The following TMPRSS4 variants were observed in gnomAD, a reference collection of about 807,000 sequenced individuals.
The protein encoded by TMPRSS4 is transmembrane protease serine 4.
In TMPRSS4, 45 loss-of-function variants were observed where a neutral mutation model predicts 56.4. That is an observed-to-expected ratio of 0.80 (90% CI 0.63 to 1.02). The LOEUF (loss-of-function observed/expected upper bound fraction) is 1.02, where lower values mean the gene tolerates loss of function less well. TMPRSS4 is among the 50% of genes least tolerant of loss of function. TMPRSS4 has a pLI of 0.00. For missense variants in TMPRSS4, 546 were observed against 556.7 expected (o/e 0.98, Z 0.19); for synonymous variants, 205 against 211.0 (o/e 0.97, Z 0.25).
At position 118,114,839 on chromosome 11, in the gene TMPRSS4, G is replaced by A. The variant is rs144693806; in HGVS notation, c.921G>A (p.Arg307=). 1.2e-6 allele frequency: 2 copies of A among 1,606,480 alleles called. No individual in the cohort carries two copies. The highest frequency in any genetic ancestry group is 2.7e-5 in the African/African-American group (2 of 74,858). ...QFPLTFSGTV[R]PICLPFFDEE... ...CTGTGCTCCTGGCAGGCACAGTCAG[G>A]CCCATCTGTCTGCCCTTCTTTGATG... is the stretch of plus-strand genomic sequence containing the variant. The change falls in exon 10 of 13, where the codon AGG becomes AGA. Residue 307 remains arginine (R), a synonymous_variant. Coordinates refer to ENST00000437212, the MANE Select transcript of TMPRSS4 (RefSeq NM_019894.4).
At chr11:118,104,100 GA>G (rs1565431040) in intron 4 of TMPRSS4, among the ~76,000 whole-genome samples, 2 of 151,992 alleles carry the variant, frequency 1.3e-5, no homozygotes, top group African/African-American at 4.8e-5. Context: ...GGGCTCTGAA[GA>G]AAAAAAGATA....
At chr11:118,093,471 C>A (rs1946094868) in intron 1 of TMPRSS4, among the ~76,000 whole-genome samples, 1 of 152,208 alleles carries the variant, frequency 6.6e-6, no homozygotes, top group East Asian at 1.9e-4. Context: ...TCCTTTTAAC[C>A]TTTGCCTGGC....
chr11:118,091,565 G>A (rs1349071404), intron 1 of TMPRSS4, among the ~76,000 whole-genome samples: 4 of 151,716 alleles, frequency 2.6e-5, no homozygotes, highest in South Asian at 2.1e-4. Context: ...ACAGACCCTC[G>A]GCTGTCTTCT....
chr11:118,113,425 C>T lies in TMPRSS4; in HGVS notation c.900C>T (p.Leu300=), dbSNP rs1362172705. Residue 300 remains leucine (L), a synonymous_variant, in exon 9 of 13, where the codon CTC becomes CTT. Coordinates refer to ENST00000437212, the MANE Select transcript of TMPRSS4 (RefSeq NM_019894.4). ...DIALMKLQFP[L]TFSGTVRPIC... ...CCCTCATGAAGCTGCAGTTCCCACT[C>T]ACTTTCTCAGGTGAGAAGCAGGGCC... The T allele has an allele frequency of 3.7e-6, 6 of 1,613,956 alleles. No individual in the cohort carries two copies. The East Asian group carries it at 6.7e-5, about 18-fold the overall frequency.
chr11:118,117,577 C>G (rs1947630128), intron 12 of TMPRSS4, 123 bp downstream of exon 12: 3 of 1,499,658 alleles, frequency 2.0e-6, no homozygotes, highest in Non-Finnish European at 1.8e-6. Context: ...ATAACTTTCC[C>G]TCCAAGCAAG....
intron 1 of TMPRSS4, among the ~76,000 whole-genome samples, chr11:118,083,114 G>A (rs887684003): frequency 2.0e-5 from 3 of 152,080 alleles, no homozygotes; most frequent in Admixed American, 1.3e-4. Flanking sequence ...GCCCTTATCT[G>A]ACCCTGGCCC....
chr11:118,121,205 A>G lies in TMPRSS4; in HGVS notation c.*3292A>G, dbSNP rs1947780786. On this transcript the variant is annotated 3_prime_UTR_variant, in exon 13 of 13. Coordinates refer to ENST00000437212, the MANE Select transcript of TMPRSS4 (RefSeq NM_019894.4). ...CAAAAACAGACTTTACCATCAACAA[A>G]CCTTCTCTAAAAGAATATATAAAGC... is the stretch of plus-strand genomic sequence containing the variant. The G allele has an allele frequency of 6.6e-6, 1 of 152,216 alleles. No homozygotes were observed. Among genetic ancestry groups the G allele is most frequent in the Admixed American group, 6.5e-5 (1 of 15,284 alleles). The allele number at this position is 152,216 out of a possible 1,614,324, so 9.4% of individuals were successfully genotyped here.
Position 118,104,745 on chromosome 11 carries a change from A to T in TMPRSS4, c.365A>T (p.Asn122Ile), listed in dbSNP as rs750735024. The T allele has an allele frequency of 6.2e-7, 1 of 1,614,182 alleles. No individual in the cohort carries two copies. Among genetic ancestry groups the T allele is most frequent in the South Asian group, 1.1e-5 (1 of 91,074 alleles). ...CAGGTGCTGGACTCGGCCACAGGGAACTGGTTCTCTGCCTGTTTCGACAAC... is the reference window on the plus strand; with the variant it reads ...CAGGTGCTGGACTCGGCCACAGGGATCTGGTTCTCTGCCTGTTTCGACAAC... ...TLQVLDSATGNWFSACFDNFT... is the reference protein window; with the variant it reads ...TLQVLDSATGIWFSACFDNFT... Residue 122 changes from asparagine to isoleucine, a missense_variant, in exon 5 of 13, where the codon AAC (asparagine) becomes ATC (isoleucine). Asn to Ile is a moderately radical substitution (Grantham distance 149, BLOSUM62 -3). Transcript: ENST00000437212.
intron 4 of TMPRSS4, among the ~76,000 whole-genome samples, chr11:118,104,386 A>T (rs1234879286): frequency 6.6e-6 from 1 of 151,978 alleles, no homozygotes; most frequent in African/African-American, 2.4e-5. Context: ...TAGAGTGACC[A>T]CATAATTGAT....
At position 118,117,310 on chromosome 11, in the gene TMPRSS4, C is replaced by G; in HGVS notation, c.1158C>G (p.Asp386Glu). 1 of 1,614,124 alleles carries G rather than the reference C, an allele frequency of 6.2e-7. No homozygotes were observed. Among genetic ancestry groups the G allele is most frequent in the Non-Finnish European group, 8.5e-7 (1 of 1,180,032 alleles). ...PEGGVDTCQG[D>E]SGGPLMYQSD... ...TCTGTTCTGGTCTCTCACAGGGTGA[C>G]AGTGGTGGGCCCCTGATGTACCAAT... The change falls in exon 12 of 13, where the codon GAC (aspartate) becomes GAG (glutamate). Residue 386 changes from aspartate to glutamate, a missense_variant. Coordinates refer to ENST00000437212, the MANE Select transcript of TMPRSS4 (RefSeq NM_019894.4).
At chr11:118,104,896 C>G in intron 5 of TMPRSS4, 76 bp downstream of exon 5, 1 of 1,436,880 alleles carries the variant, frequency 7.0e-7, no homozygotes, top group Non-Finnish European at 9.2e-7. Flanking sequence ...CTCCCTTCTT[C>G]TCTCTTTCCT....
At chr11:118,098,036 C>T (rs1430600058) in intron 2 of TMPRSS4, among the ~76,000 whole-genome samples, 4 of 152,358 alleles carry the variant, frequency 2.6e-5, no homozygotes, top group African/African-American at 9.6e-5. Flanking sequence ...TCCCAAAGTG[C>T]TGGGATTACA....
chr11:118,104,261 T>C (rs1305435261), intron 4 of TMPRSS4, among the ~76,000 whole-genome samples: 1 of 152,174 alleles, frequency 6.6e-6, no homozygotes, highest in Non-Finnish European at 1.5e-5. Flanking sequence ...CTGACCTTAC[T>C]TGGAGAAGGA....
chr11:118,117,576 C>T, intron 12 of TMPRSS4, 122 bp downstream of exon 12: 1 of 1,498,584 alleles, frequency 6.7e-7, no homozygotes, highest in Non-Finnish European at 8.9e-7. Context: ...AATAACTTTC[C>T]CTCCAAGCAA....
chr11:118,085,708 G>A (rs768343596), intron 1 of TMPRSS4, among the ~76,000 whole-genome samples: 1 of 152,190 alleles, frequency 6.6e-6, no homozygotes, highest in Non-Finnish European at 1.5e-5. Flanking sequence ...AAACCCATGA[G>A]GGTCCCTGCC....
chr11:118,098,869 A>G (rs1403035345), intron 2 of TMPRSS4, 116 bp from the exon 3 acceptor site: 3 of 738,774 alleles, frequency 4.1e-6, no homozygotes, highest in Non-Finnish European at 6.8e-6. Flanking sequence ...ATTAACCAAA[A>G]CTGTGCTCAA....
rs936328314 is a variant in TMPRSS4, at chr11:118,119,381, T to C, written c.*1468T>C. 2.0e-6 allele frequency: 2 copies of C among 983,788 alleles called. No individual in the cohort carries two copies. The highest frequency in any genetic ancestry group is 2.4e-6 in the Non-Finnish European group (2 of 828,486). The allele number at this position is 983,788 out of a possible 1,614,324, so 60.9% of individuals were successfully genotyped here. On this transcript the variant is annotated 3_prime_UTR_variant, in exon 13 of 13. Transcript: ENST00000437212. ...ATGGTCTGGAGGAAAATTTCCCAAA[T>C]TTAGAGCCTCAGGATTCCCAAAGAT...
At chr11:118,086,338 C>T (rs1945553914) in intron 1 of TMPRSS4, among the ~76,000 whole-genome samples, 1 of 152,222 alleles carries the variant, frequency 6.6e-6, no homozygotes, top group Non-Finnish European at 1.5e-5. Flanking sequence ...CCATTATGTG[C>T]TGAGATGGGG....
rs777796412 is a variant in TMPRSS4, at chr11:118,077,159, A to T, written c.-144A>T. 2.1e-5 allele frequency: 20 copies of T among 945,212 alleles called. No individual in the cohort carries two copies. Among genetic ancestry groups the T allele is most frequent in the East Asian group, 8.7e-5 (3 of 34,528 alleles). 58.6% of individuals were successfully genotyped at this position (945,212 alleles called of 1,614,324 possible). On this transcript the variant is annotated 5_prime_UTR_variant, in exon 1 of 13. Transcript: ENST00000437212. ...CGTGAGGGACCAAGGCCTGCCCTGC[A>T]CTCGGGCCTCCTCCAGCCAGTGCTG...
Sources: gnomAD v4.1 joint callset for allele counts (sites outside exome capture counted in the v4.1 genomes callset) on GRCh38, gnomAD v4.1.1 for gene constraint, MANE v1.5 for transcripts, NCBI Gene and HGNC (gene_info 2026-07-23, HGNC 2026-07-21) for gene names.